The following PCDHGA2 variants were observed in gnomAD, a reference collection of about 807,000 sequenced individuals.
PCDHGA2 encodes protocadherin gamma-A2.
PCDHGA2 carries 40 observed loss-of-function variants against 59.2 expected under a neutral mutation model. The observed-to-expected ratio is 0.68, with a 90% CI of 0.52 to 0.88. The LOEUF is 0.88. Among genes scored for constraint, PCDHGA2 ranks in the 40% least tolerant of loss-of-function variants. The pLI is 0.00. For missense variants in PCDHGA2, 1,226 were observed against 1,204.0 expected, an observed-to-expected ratio of 1.02 and a Z score of -0.27; for synonymous variants, 560 against 526.0, an observed-to-expected ratio of 1.06 and a Z score of -0.89.
intron 1 of PCDHGA2, chr5:141,409,446 C>A: frequency 6.2e-7 from 1 of 1,613,984 alleles, no homozygotes; most frequent in Middle Eastern, 1.6e-4. Flanking sequence ...CGAGAGCAGA[C>A]ACCAGAATAC....
intron 1 of PCDHGA2, chr5:141,383,266 A>T: frequency 6.2e-7 from 1 of 1,613,948 alleles, no homozygotes. Context: ...AGACGTGGAA[A>T]TAATAGATAT....
At chr5:141,475,146 G>A (rs938308425) in intron 1 of PCDHGA2, among the ~76,000 whole-genome samples, 3 of 152,014 alleles carry the variant, frequency 2.0e-5, no homozygotes, top group African/African-American at 4.8e-5. Context: ...AATCTTCTCC[G>A]TCTTCTTCTT....
At chr5:141,366,451 C>T (rs372498112) in intron 1 of PCDHGA2, 14 of 1,614,228 alleles carry the variant, frequency 8.7e-6, no homozygotes, top group Non-Finnish European at 1.0e-5. Flanking sequence ...TCCTGGCCTT[C>T]GTCATCGTGC....
chr5:141,404,862 C>A, intron 1 of PCDHGA2: 1 of 1,613,848 alleles, frequency 6.2e-7, no homozygotes, highest in Non-Finnish European at 8.5e-7. Context: ...GATAGAGATG[C>A]GCTCAAACAG....
intron 1 of PCDHGA2, among the ~76,000 whole-genome samples, chr5:141,474,312 T>G (rs1358237994): frequency 6.6e-6 from 1 of 152,228 alleles, no homozygotes; most frequent in African/African-American, 2.4e-5. Flanking sequence ...AACTTTAATG[T>G]GTTTTCAAAT....
At position 141,408,449 on chromosome 5, in the gene PCDHGA2, G is replaced by C. The variant is rs1561713163; in HGVS notation, c.2424+67054G>C. On this transcript the variant is annotated intron_variant, in intron 1 of 3. Coordinates refer to ENST00000394576, the MANE Select transcript of PCDHGA2 (RefSeq NM_018915.4). Reference sequence around the variant, plus strand: ...CTTCAGCGTAGACGCGGAGAGCGGGGACTTACTTGTGAAGAACCGAATAGA... The same window carrying C: ...CTTCAGCGTAGACGCGGAGAGCGGGCACTTACTTGTGAAGAACCGAATAGA... The C allele has an allele frequency of 1.9e-6, 3 of 1,613,966 alleles. No individual in the cohort carries two copies. In the Admixed American group the frequency reaches 5.0e-5, roughly 27 times the overall value.
chr5:141,350,910 C>A (rs759995473), intron 1 of PCDHGA2: 4 of 1,614,072 alleles, frequency 2.5e-6, no homozygotes, highest in South Asian at 2.2e-5. Context: ...GGCGGGGACC[C>A]GCCTCTAAGC....
At chr5:141,374,887 C>T (rs1248527882) in intron 1 of PCDHGA2, 1 of 1,613,670 alleles carries the variant, frequency 6.2e-7, no homozygotes. Flanking sequence ...CTGCCACCGA[C>T]CAGGATGAAG....
In PCDHGA2 at chr5:141,339,542, T is replaced by C. The variant is rs1756848908; in HGVS notation, c.571T>C (p.Tyr191His). Residue 191 changes from tyrosine (Y) to histidine (H), a missense_variant, in exon 1 of 4, where the codon TAC becomes CAC. Physicochemically the swap from Tyr to His is moderately conservative, Grantham distance 83. Coordinates refer to ENST00000394576, the MANE Select transcript of PCDHGA2 (RefSeq NM_018915.4). ...DVRRGADGNKYPELVLERSLD... is the reference protein window; with the variant it reads ...DVRRGADGNKHPELVLERSLD... ...GCGAAGGGGAGCTGATGGGAACAAGTACCCAGAACTGGTGCTGGAGCGCTC... is the reference window on the plus strand; with the variant it reads ...GCGAAGGGGAGCTGATGGGAACAAGCACCCAGAACTGGTGCTGGAGCGCTC... The C allele has an allele frequency of 2.5e-6, 4 of 1,614,014 alleles. No individual in the cohort carries two copies. The highest frequency in any genetic ancestry group is 3.4e-6 in the Non-Finnish European group (4 of 1,180,026).
At chr5:141,370,485 G>A (rs905115445) in intron 1 of PCDHGA2, 1 of 1,613,916 alleles carries the variant, frequency 6.2e-7, no homozygotes. Context: ...GGCTCTCTCC[G>A]AACCGATCCG....
Position 141,399,560 on chromosome 5 carries a change from G to A in PCDHGA2, c.2424+58165G>A, listed in dbSNP as rs1354621756. The A allele has an allele frequency of 6.8e-6, 11 of 1,613,906 alleles. No homozygotes were observed. The Admixed American group carries it at 1.3e-4, about 20-fold the overall frequency. ...GTCTGCGCCTCGGACCTGGACTTGG[G>A]GTTGAACGGCCAAGTCTCCTACTCT... is the stretch of plus-strand genomic sequence containing the variant. On this transcript the variant is annotated intron_variant, in intron 1 of 3. Coordinates refer to ENST00000394576, the MANE Select transcript of PCDHGA2 (RefSeq NM_018915.4).
Position 141,489,565 on chromosome 5 carries a change from G to C in PCDHGA2, c.2425-5242G>C. The C allele has an allele frequency of 6.2e-7, 1 of 1,614,118 alleles. No homozygotes were observed. ...CAGCTGCCTGCTGCCAGTGCAGGTGGTGACTGAACACCCCCTGGAGCTAAT... is the reference window on the plus strand; with the variant it reads ...CAGCTGCCTGCTGCCAGTGCAGGTGCTGACTGAACACCCCCTGGAGCTAAT... On this transcript the variant is annotated intron_variant, in intron 1 of 3. Coordinates refer to ENST00000394576, the MANE Select transcript of PCDHGA2 (RefSeq NM_018915.4). This position sits in a 1 kb window ranked among gnomAD's most constrained non-coding sequence, Gnocchi z 4.5.
At chr5:141,472,980 C>CAA (rs60579131) in intron 1 of PCDHGA2, among the ~76,000 whole-genome samples, 188 of 86,094 alleles carry the variant, frequency 2.2e-3, no homozygotes, top group Non-Finnish European at 3.2e-3. Flanking sequence ...GAGTGAAACT[C>CAA]AAAAAAAAAA....
Position 141,491,166 on chromosome 5 carries a change from G to A in PCDHGA2, c.2425-3641G>A. 1 of 1,614,150 alleles carries A rather than the reference G, an allele frequency of 6.2e-7. No individual in the cohort carries two copies. The highest frequency in any genetic ancestry group is 8.5e-7 in the Non-Finnish European group (1 of 1,179,964). ...TACTGGAGGATGACTCTGACACCCA[G>A]CAGGTGGTGGTCCTGGTGAGGGACA... On this transcript the variant is annotated intron_variant, in intron 1 of 3. Transcript: ENST00000394576. The surrounding 1 kb of genome is among the most constrained non-coding windows in gnomAD (Gnocchi z 6.9).
chr5:141,419,206 G>T, intron 1 of PCDHGA2: 1 of 1,613,876 alleles, frequency 6.2e-7, no homozygotes, highest in Non-Finnish European at 8.5e-7. Flanking sequence ...ATGACAACGC[G>T]CCGGTTTTCG....
chr5:141,352,213 C>T lies in PCDHGA2; in HGVS notation c.2424+10818C>T, dbSNP rs772410475. 7.4e-6 allele frequency: 12 copies of T among 1,614,056 alleles called. No homozygotes were observed. The Middle Eastern group carries it at 5.0e-4, about 67-fold the overall frequency. On this transcript the variant is annotated intron_variant, in intron 1 of 3. Coordinates refer to ENST00000394576, the MANE Select transcript of PCDHGA2 (RefSeq NM_018915.4). ...GTGATGGAGGACAGCCGCCACTCTC[C>T]GCCACCGCCACGCTGCACCTAATCT...
In PCDHGA2 at chr5:141,476,962, C is replaced by A. The variant is rs2099402286; in HGVS notation, c.2425-17845C>A. On this transcript the variant is annotated intron_variant, in intron 1 of 3. Coordinates refer to ENST00000394576, the MANE Select transcript of PCDHGA2 (RefSeq NM_018915.4). This position sits in a 1 kb window ranked among gnomAD's most constrained non-coding sequence, Gnocchi z 7.6. ...GCCCCAACGGTGAAATTATTTACTCCTTCGGCAGCCACAACCGCGCCGGCG... is the reference window on the plus strand; with the variant it reads ...GCCCCAACGGTGAAATTATTTACTCATTCGGCAGCCACAACCGCGCCGGCG... 2 of 1,614,200 alleles carry A rather than the reference C, an allele frequency of 1.2e-6. No individual in the cohort carries two copies. The highest frequency in any genetic ancestry group is 1.7e-6 in the Non-Finnish European group (2 of 1,180,042).
intron 1 of PCDHGA2, among the ~76,000 whole-genome samples, chr5:141,380,195 C>T (rs1248752838): frequency 6.6e-5 from 10 of 152,092 alleles, no homozygotes; most frequent in African/African-American, 2.4e-4. Flanking sequence ...CCACTGAGCC[C>T]GGCCTGAAAG....
chr5:141,394,145 C>A, intron 1 of PCDHGA2: 1 of 1,613,962 alleles, frequency 6.2e-7, no homozygotes, highest in Non-Finnish European at 8.5e-7. Flanking sequence ...ACGTGGCAGA[C>A]ATTAACGACA....
Sources: gnomAD v4.1 joint callset for allele counts (sites outside exome capture counted in the v4.1 genomes callset) on GRCh38, gnomAD v4.1.1 for gene constraint, Gnocchi (gnomAD v3.1) non-coding constraint, MANE v1.5 for transcripts, NCBI Gene and HGNC (gene_info 2026-07-23, HGNC 2026-07-21) for gene names.